Variants in AFF1 observed in about 807,000 individuals in gnomAD.
AFF1 encodes AF4/FMR2 family member 1.
In AFF1, 48 loss-of-function variants were observed where a neutral mutation model predicts 121.7. The ratio of observed to expected loss-of-function variants is 0.39; its 90% CI spans 0.31 to 0.50. AFF1 has a LOEUF of 0.50. Among genes scored for constraint, AFF1 ranks in the 20% least tolerant of loss-of-function variants. AFF1 has a pLI of 0.76. For synonymous variants in AFF1, 613 were observed against 563.0 expected, an observed-to-expected ratio of 1.09 and a Z score of -1.26; for missense variants, 1,523 against 1,511.7, an observed-to-expected ratio of 1.01 and a Z score of -0.12.
At chr4:87,020,026 G>A (rs1293816164) in intron 2 of AFF1, among the ~76,000 whole-genome samples, 1 of 149,464 alleles carries the variant, frequency 6.7e-6, no homozygotes, top group Non-Finnish European at 1.5e-5. Context: ...TTGTGTGAGA[G>A]CAGAGGAAAA....
intron 2 of AFF1, among the ~76,000 whole-genome samples, chr4:87,006,352 T>C (rs1726120108): frequency 6.6e-6 from 1 of 152,208 alleles, no homozygotes; most frequent in Non-Finnish European, 1.5e-5. Flanking sequence ...TCCATGGTCC[T>C]CTGAGTAGGA....
chr4:87,051,482 G>A (rs568903205), intron 4 of AFF1, among the ~76,000 whole-genome samples: 117 of 148,380 alleles, frequency 7.9e-4, no homozygotes, highest in Non-Finnish European at 1.2e-3. Context: ...TGTTTTTTGA[G>A]ACAGAGTCTT....
chr4:86,940,556 G>A (rs1453571516), intron 1 of AFF1, among the ~76,000 whole-genome samples: 27 of 152,104 alleles, frequency 1.8e-4, no homozygotes, highest in Middle Eastern at 6.8e-3. Context: ...GTGCCACCAC[G>A]ACCAGCTAAT....
At chr4:86,992,479 C>A (rs1454469344) in intron 2 of AFF1, among the ~76,000 whole-genome samples, 2 of 152,126 alleles carry the variant, frequency 1.3e-5, no homozygotes, top group African/African-American at 4.8e-5. Context: ...GGAACATTAT[C>A]ATATTTGGAA....
At chr4:87,080,299 T>C (rs760544608) in intron 4 of AFF1, among the ~76,000 whole-genome samples, 2 of 152,218 alleles carry the variant, frequency 1.3e-5, no homozygotes, top group Non-Finnish European at 2.9e-5. Flanking sequence ...ACTTACAAAC[T>C]AGATTTTCTT....
chr4:86,998,717 T>C (rs761529785), intron 2 of AFF1, among the ~76,000 whole-genome samples: 13 of 152,316 alleles, frequency 8.5e-5, no homozygotes, highest in East Asian at 1.9e-4. Flanking sequence ...TCCTTGTCAT[T>C]AAGTATTTTT....
intron 2 of AFF1, among the ~76,000 whole-genome samples, chr4:87,043,904 C>T (rs1308754348): frequency 1.3e-5 from 2 of 152,072 alleles, no homozygotes; most frequent in Non-Finnish European, 2.9e-5. Context: ...CTGCAGCCTC[C>T]GCCTCCTGGG....
intron 2 of AFF1, among the ~76,000 whole-genome samples, chr4:87,028,380 G>A (rs1161256834): frequency 6.6e-6 from 1 of 151,918 alleles, no homozygotes; most frequent in African/African-American, 2.4e-5. Flanking sequence ...GACAGTGCAT[G>A]CATCTGTGTA....
chr4:86,968,457 A>G (rs1722686177), intron 2 of AFF1, among the ~76,000 whole-genome samples: 1 of 152,190 alleles, frequency 6.6e-6, no homozygotes, highest in Admixed American at 6.5e-5. Flanking sequence ...GTTCCTTCAT[A>G]GACGTTCGTA....
chr4:87,063,597 A>G (rs1721034360), intron 4 of AFF1, among the ~76,000 whole-genome samples: 1 of 152,054 alleles, frequency 6.6e-6, no homozygotes, highest in African/African-American at 2.4e-5. Context: ...AATAGTTTTG[A>G]ATATTATGGC....
rs1194562907 is a variant in AFF1, at chr4:87,135,287, T to C, written c.3536-293T>C. 2.6e-5 allele frequency among the ~76,000 whole-genome samples: 4 copies of C among 152,190 alleles called. No homozygotes were observed. The East Asian group carries it at 5.8e-4, about 22-fold the overall frequency. On this transcript the variant is annotated intron_variant, in intron 20 of 20. Coordinates refer to ENST00000395146, the MANE Select transcript of AFF1 (RefSeq NM_001166693.3). ...ATCTGTCTTATCAAACTGATAATGC[T>C]TTTAACTTTTTTTTTTCATTAATGC...
rs1223490599 is a variant in AFF1, at chr4:87,046,253, T to G, written c.126T>G (p.Pro42=). 3 of 1,613,458 alleles carry G rather than the reference T, an allele frequency of 1.9e-6. No individual in the cohort carries two copies. Among genetic ancestry groups the G allele is most frequent in the Non-Finnish European group, 2.5e-6 (3 of 1,179,844 alleles). ...QEAHQEKEAF[P]EKIPLFGEPY... is the part of the protein sequence containing the mutation. The stretch of plus-strand genomic sequence containing the variant: ...CCCACCAAGAGAAAGAGGCATTTCC[T>G]GAAAAGATTCCCCTTTTTGGAGAGC... The change falls in exon 3 of 21, where the codon CCT becomes CCG. Residue 42 remains proline (P), a synonymous_variant. Coordinates refer to ENST00000395146, the MANE Select transcript of AFF1 (RefSeq NM_001166693.3).
At chr4:87,078,353 T>G (rs768429063) in intron 4 of AFF1, among the ~76,000 whole-genome samples, 3 of 152,226 alleles carry the variant, frequency 2.0e-5, no homozygotes, top group East Asian at 1.9e-4. Context: ...TTTCAAATTC[T>G]GAGTTCCGGG....
chr4:87,131,165 G>A lies in AFF1; in HGVS notation c.3047G>A (p.Ser1016Asn), dbSNP rs756809293. ...TGCGGAATTGCCACAGAGTCTGAAA[G>A]CCAGTCATCCAAGTCAGCTTACTCT... ...IECGIATESE[S>N]QSSKSAYSVY... is the part of the protein sequence containing the mutation. Residue 1016 changes from serine to asparagine, a missense_variant, in exon 17 of 21, where the codon AGC becomes AAC. Transcript: ENST00000395146. The A allele has an allele frequency of 6.2e-7, 1 of 1,614,208 alleles. No individual in the cohort carries two copies. The highest frequency in any genetic ancestry group is 1.7e-5 in the Admixed American group (1 of 60,030).
At chr4:87,041,714 T>C (rs975888108) in intron 2 of AFF1, among the ~76,000 whole-genome samples, 2 of 151,908 alleles carry the variant, frequency 1.3e-5, no homozygotes, top group African/African-American at 4.8e-5. Context: ...CTTATAGTTA[T>C]TGAAAGGTGA....
chr4:87,045,056 G>A (rs1301097824), intron 2 of AFF1, among the ~76,000 whole-genome samples: 1 of 152,174 alleles, frequency 6.6e-6, no homozygotes, highest in Middle Eastern at 3.2e-3. Context: ...GGGATAAGAT[G>A]TGGGGGAGGC....
chr4:87,021,818 A>G (rs1162851161), intron 2 of AFF1, among the ~76,000 whole-genome samples: 1 of 152,224 alleles, frequency 6.6e-6, no homozygotes, highest in African/African-American at 2.4e-5. Flanking sequence ...CATAGGGGAA[A>G]AAGGGGTTGG....
At chr4:86,995,343 G>A (rs1042391366) in intron 2 of AFF1, among the ~76,000 whole-genome samples, 3 of 129,916 alleles carry the variant, frequency 2.3e-5, no homozygotes, top group South Asian at 2.5e-4. Context: ...CTCTTTCCAC[G>A]GTCTCCCTCT....
intron 12 of AFF1, among the ~76,000 whole-genome samples, chr4:87,116,187 G>A (rs1690423044): frequency 6.6e-6 from 1 of 152,210 alleles, no homozygotes; most frequent in South Asian, 2.1e-4. Flanking sequence ...ACGTTGCAAA[G>A]TGTTGACCAT....
Sources: gnomAD v4.1 joint callset for allele counts (sites outside exome capture counted in the v4.1 genomes callset) on GRCh38, gnomAD v4.1.1 for gene constraint, MANE v1.5 for transcripts, NCBI Gene and HGNC (gene_info 2026-07-23, HGNC 2026-07-21) for gene names.